APBA1: variants seen among roughly 807,000 people sequenced by gnomAD.
The protein encoded by APBA1 is amyloid beta precursor protein binding family A member 1, also known as amyloid-beta A4 precursor protein-binding family A member 1.
In APBA1, 55 loss-of-function variants were observed where a neutral mutation model predicts 86.6. The observed-to-expected ratio is 0.64, with a 90% CI of 0.51 to 0.80. The LOEUF (loss-of-function observed/expected upper bound fraction) is 0.80, where lower values mean the gene tolerates loss of function less well. Ranked by LOEUF, APBA1 falls within the 30% of genes least tolerant of loss-of-function variation. The pLI, the probability that APBA1 is intolerant of heterozygous loss-of-function variation, is 0.00. For missense variants in APBA1, 1,090 were observed against 1,183.0 expected, an observed-to-expected ratio of 0.92 and a Z score of 1.15; for synonymous variants, 511 against 493.9, an observed-to-expected ratio of 1.03 and a Z score of -0.46.
intron 8 of APBA1, among the ~76,000 whole-genome samples, chr9:69,455,656 G>A (rs1390996368): frequency 6.6e-6 from 1 of 152,178 alleles, no homozygotes; most frequent in Non-Finnish European, 1.5e-5. Context: ...GGACAGGGAT[G>A]CTAACTTTCC....
chr9:69,471,569 T>C, intron 4 of APBA1, 87 bp downstream of exon 4: 4 of 1,105,554 alleles, frequency 3.6e-6, no homozygotes, highest in Non-Finnish European at 4.1e-6. Context: ...TTCCCTTCCA[T>C]TGTCTTATAT....
chr9:69,450,346 G>T (rs938610567), intron 9 of APBA1, among the ~76,000 whole-genome samples: 1 of 152,308 alleles, frequency 6.6e-6, no homozygotes, highest in Admixed American at 6.5e-5. Flanking sequence ...CACACAGGAA[G>T]TGCATATCCT....
At chr9:69,558,106 T>C (rs1836890260) in intron 1 of APBA1, among the ~76,000 whole-genome samples, 1 of 152,218 alleles carries the variant, frequency 6.6e-6, no homozygotes, top group Non-Finnish European at 1.5e-5. Flanking sequence ...TTAATGGCTT[T>C]CTGATGAATT....
chr9:69,605,363 T>C (rs1241872254), intron 1 of APBA1, among the ~76,000 whole-genome samples: 1 of 152,196 alleles, frequency 6.6e-6, no homozygotes, highest in Non-Finnish European at 1.5e-5. Flanking sequence ...TATACAGCTA[T>C]AAAATCAATA....
Position 69,428,459 on chromosome 9 carries a change from GA to G in APBA1, c.*2867del. On this transcript the variant is annotated 3_prime_UTR_variant, in exon 13 of 13. Coordinates refer to ENST00000265381, the MANE Select transcript of APBA1 (RefSeq NM_001163.4). ...GGCTCCCTGAAATGCTCACACTGGA[GA>G]AAAGGCAGGATGGGTTCTGGTGCCT... 6.6e-6 allele frequency: 1 copy of G among 152,378 alleles called. No individual in the cohort carries two copies. The highest frequency in any genetic ancestry group is 2.4e-5 in the African/African-American group (1 of 41,542). The allele number at this position is 152,378 out of a possible 1,614,324, so 9.4% of individuals were successfully genotyped here.
intron 5 of APBA1, 40 bp from the exon 6 acceptor site, chr9:69,458,228 G>C: frequency 6.3e-7 from 1 of 1,579,910 alleles, no homozygotes; most frequent in South Asian, 1.2e-5. Context: ...AGAATAGTTA[G>C]AAAGAATGTG....
At chr9:69,519,486 C>A (rs1317278300) in intron 1 of APBA1, among the ~76,000 whole-genome samples, 5 of 152,182 alleles carry the variant, frequency 3.3e-5, no homozygotes, top group Non-Finnish European at 7.3e-5. Flanking sequence ...TTCATAAGGA[C>A]TTTCTCAAAA....
intron 9 of APBA1, among the ~76,000 whole-genome samples, chr9:69,451,622 G>A (rs927061821): frequency 3.3e-5 from 5 of 151,998 alleles, no homozygotes; most frequent in Admixed American, 6.6e-5. Context: ...TCCCCAGATC[G>A]CCAGACCAGC....
At chr9:69,483,130 T>G (rs1453918025) in intron 2 of APBA1, among the ~76,000 whole-genome samples, 31 of 45,888 alleles carry the variant, frequency 6.8e-4, no homozygotes, top group Admixed American at 3.8e-3. Context: ...AAAAAAAAAA[T>G]TAAGTCAAAA....
At chr9:69,659,135 A>G (rs1168028190) in intron 1 of APBA1, among the ~76,000 whole-genome samples, 1 of 152,186 alleles carries the variant, frequency 6.6e-6, no homozygotes, top group Non-Finnish European at 1.5e-5. Context: ...GACATCTGCA[A>G]AGCACACCAA....
At position 69,471,744 on chromosome 9, in the gene APBA1, A is replaced by G. The variant is rs757571641; in HGVS notation, c.1297-49T>C. ...CAAAAAGAGCAAAGCATAATGAAAT[A>G]TGAATTAACACAATCATCCATGCAA... is the stretch of plus-strand genomic sequence containing the variant. On this transcript the variant is annotated intron_variant, in intron 3 of 12. Coordinates refer to ENST00000265381, the MANE Select transcript of APBA1 (RefSeq NM_001163.4). 4 of 1,422,144 alleles carry G rather than the reference A, an allele frequency of 2.8e-6. No individual in the cohort carries two copies. The South Asian group carries it at 4.6e-5, about 16-fold the overall frequency. 88.1% of individuals were successfully genotyped at this position (1,422,144 alleles called of 1,614,324 possible).
At chr9:69,448,689 T>C (rs940369703) in intron 10 of APBA1, among the ~76,000 whole-genome samples, 1 of 149,342 alleles carries the variant, frequency 6.7e-6, no homozygotes, top group African/African-American at 2.4e-5. Context: ...CTCTCACACA[T>C]GCACATACGC....
chr9:69,539,350 T>C (rs1836561688), intron 1 of APBA1, among the ~76,000 whole-genome samples: 1 of 152,250 alleles, frequency 6.6e-6, no homozygotes, highest in South Asian at 2.1e-4. Flanking sequence ...TTCTTTCCAC[T>C]GTCTGCCTCA....
chr9:69,482,674 G>A (rs1412631460), intron 2 of APBA1, among the ~76,000 whole-genome samples: 2 of 151,666 alleles, frequency 1.3e-5, no homozygotes, highest in African/African-American at 2.4e-5. Context: ...ACATGCACAC[G>A]TATGTTTATT....
intron 1 of APBA1, among the ~76,000 whole-genome samples, chr9:69,592,811 A>G (rs1274341813): frequency 6.6e-6 from 1 of 152,058 alleles, no homozygotes; most frequent in Non-Finnish European, 1.5e-5. Context: ...TTATTAAAAC[A>G]AACAAACAAA....
rs1376048131 is a variant in APBA1 at position 69,517,111 on chromosome 9, C to T, written c.100G>A (p.Val34Met). The change falls in exon 2 of 13, where the codon GTG (valine) becomes ATG (methionine). Residue 34 changes from valine to methionine, a missense_variant. By Grantham distance (21) the Val-to-Met change is conservative. This residue lies in a region of APBA1 where 678 missense variants were observed against 647.1 expected (regional missense o/e 1.05). Coordinates refer to ENST00000265381, the MANE Select transcript of APBA1 (RefSeq NM_001163.4). ...GGCGGCTGCTGCTGTTCCTCTTCCACCTCGGGGTGCTCCAGGTCGGCCTCC... is the reference window on the plus strand; with the variant it reads ...GGCGGCTGCTGCTGTTCCTCTTCCATCTCGGGGTGCTCCAGGTCGGCCTCC... Reference protein sequence around the residue: ...SVEADLEHPEVEEEQQQPPQQ... With the variant: ...SVEADLEHPEMEEEQQQPPQQ... 2 of 1,575,544 alleles carry T rather than the reference C, an allele frequency of 1.3e-6. No homozygotes were observed. Among genetic ancestry groups the T allele is most frequent in the African/African-American group, 1.3e-5 (1 of 74,156 alleles).
intron 1 of APBA1, among the ~76,000 whole-genome samples, chr9:69,645,875 C>G (rs1053855795): frequency 1.3e-5 from 2 of 152,186 alleles, no homozygotes; most frequent in African/African-American, 2.4e-5. Flanking sequence ...TTCAGACTCT[C>G]CAGTTCTCCC....
chr9:69,440,581 C>A (rs1834801275), intron 11 of APBA1, among the ~76,000 whole-genome samples: 1 of 152,172 alleles, frequency 6.6e-6, no homozygotes, highest in South Asian at 2.1e-4. Flanking sequence ...ACCCTCCGAG[C>A]CAGGTGTGGG....
At chr9:69,560,151 A>T (rs945611967) in intron 1 of APBA1, among the ~76,000 whole-genome samples, 2 of 152,228 alleles carry the variant, frequency 1.3e-5, no homozygotes, top group Middle Eastern at 3.2e-3. Context: ...CAAATCAAAC[A>T]GCTGCCAAGG....
Sources: allele counts gnomAD v4.1 joint callset (sites outside exome capture counted in the v4.1 genomes callset), GRCh38; gene constraint gnomAD v4.1.1; regional missense constraint gnomAD v4.1.1; transcripts MANE v1.5; gene names NCBI Gene and HGNC (gene_info 2026-07-23, HGNC 2026-07-21).